The following SHISA9 variants were observed in gnomAD, a reference collection of about 807,000 sequenced individuals.
SHISA9 encodes the protein shisa family member 9, also known as protein shisa-9.
Under a neutral mutation model 38.0 loss-of-function variants are expected in SHISA9, and 13 were observed. The observed-to-expected ratio is 0.34, with a 90% CI of 0.22 to 0.54. The LOEUF (loss-of-function observed/expected upper bound fraction) is 0.54. Ranked by LOEUF, SHISA9 falls within the 20% of genes least tolerant of loss-of-function variation. SHISA9 has a pLI of 0.91. For missense variants in SHISA9, 538 were observed against 575.8 expected, an observed-to-expected ratio of 0.93 and a Z score of 0.67; for synonymous variants, 275 against 242.0, an observed-to-expected ratio of 1.14 and a Z score of -1.27.
chr16:13,338,902 C>A, the SHISA9 span, among the ~76,000 whole-genome samples: 19 of 152,136 alleles, frequency 1.2e-4, no homozygotes, highest in Non-Finnish European at 2.4e-4. Context: ...GGGAACCTGG[C>A]AATTTAATAG....
At chr16:13,494,953 C>A in the SHISA9 span, among the ~76,000 whole-genome samples, 1 of 152,086 alleles carries the variant, frequency 6.6e-6, no homozygotes, top group Non-Finnish European at 1.5e-5. Context: ...GGACGTTGCG[C>A]CTTGCAAAAT....
Position 13,235,453 on chromosome 16 carries a change from A to G in SHISA9, c.*44A>G. The G allele has an allele frequency of 6.7e-7, 1 of 1,492,972 alleles. No homozygotes were observed. Among genetic ancestry groups the G allele is most frequent in the Non-Finnish European group, 8.9e-7 (1 of 1,124,570 alleles). 92.5% of individuals were successfully genotyped at this position (1,492,972 alleles called of 1,614,324 possible). A position where few individuals can be genotyped will look rare whatever the true frequency, so the allele number is the denominator to read the frequency against. ...ACCCTGGAGACCACACTCAACTGAG[A>G]GAGGCAAAAAACAACCCCGCCCACA... On this transcript the variant is annotated 3_prime_UTR_variant, in exon 5 of 5. Coordinates refer to ENST00000558583, the MANE Select transcript of SHISA9 (RefSeq NM_001145204.3).
chr16:13,318,767 C>A, the SHISA9 span, among the ~76,000 whole-genome samples: 1 of 152,242 alleles, frequency 6.6e-6, no homozygotes, highest in Non-Finnish European at 1.5e-5. Flanking sequence ...GTACCTGACA[C>A]ATAGAAGGTG....
chr16:13,015,894 CTTTCTTTCTTTCT>C (rs2072745072), intron 2 of SHISA9, among the ~76,000 whole-genome samples: 1 of 126,224 alleles, frequency 7.9e-6, no homozygotes, highest in African/African-American at 3.3e-5. Flanking sequence ...TTCTTTCTTT[CTTTCTTTCTTTCT>C]TTTCTTTCTT....
At chr16:13,068,853 T>G (rs1445263211) in intron 2 of SHISA9, among the ~76,000 whole-genome samples, 3 of 149,522 alleles carry the variant, frequency 2.0e-5, no homozygotes, top group African/African-American at 7.7e-5. Flanking sequence ...TGTATATATA[T>G]GCATACATGC....
At chr16:13,539,882 A>T in the SHISA9 span, among the ~76,000 whole-genome samples, 5 of 152,196 alleles carry the variant, frequency 3.3e-5, no homozygotes, top group Non-Finnish European at 5.9e-5. Context: ...TTTGCTCAAG[A>T]TAATGGCCAC....
intron 2 of SHISA9, among the ~76,000 whole-genome samples, chr16:13,001,207 C>T (rs1471378698): frequency 5.3e-5 from 8 of 152,196 alleles, no homozygotes; most frequent in East Asian, 1.9e-4. Context: ...GGATTACAGG[C>T]GTGAGCCACC....
the SHISA9 span, among the ~76,000 whole-genome samples, chr16:13,304,891 G>A: frequency 6.6e-6 from 1 of 152,196 alleles, no homozygotes; most frequent in Non-Finnish European, 1.5e-5. Context: ...ATAGCACAAA[G>A]AACTGAAGGT....
the SHISA9 span, among the ~76,000 whole-genome samples, chr16:13,255,282 AG>A: frequency 6.6e-6 from 1 of 150,998 alleles, no homozygotes; most frequent in Admixed American, 6.6e-5. Context: ...CTTTCTGTCT[AG>A]GCATCTTTCT....
chr16:13,496,702 A>G, the SHISA9 span, among the ~76,000 whole-genome samples: 2 of 152,190 alleles, frequency 1.3e-5, no homozygotes, highest in Non-Finnish European at 2.9e-5. Flanking sequence ...CAGTATGTCT[A>G]CATTTTTCCT....
the SHISA9 span, among the ~76,000 whole-genome samples, chr16:13,309,962 A>C: frequency 6.6e-6 from 1 of 152,108 alleles, no homozygotes; most frequent in African/African-American, 2.4e-5. Flanking sequence ...ATCTCGGCTC[A>C]CTGCAACCTC....
the SHISA9 span, among the ~76,000 whole-genome samples, chr16:13,256,017 C>T: frequency 6.6e-6 from 1 of 152,168 alleles, no homozygotes; most frequent in Middle Eastern, 3.2e-3. Context: ...TCACCAGACT[C>T]ATATTTTACT....
At chr16:12,906,188 G>C (rs1357126196) in intron 1 of SHISA9, among the ~76,000 whole-genome samples, 1 of 152,244 alleles carries the variant, frequency 6.6e-6, no homozygotes, top group African/African-American at 2.4e-5. Context: ...TAACCTGCCA[G>C]TCACAGCCTC....
intron 2 of SHISA9, among the ~76,000 whole-genome samples, chr16:13,128,824 G>A (rs1176504225): frequency 6.6e-6 from 1 of 152,198 alleles, no homozygotes; most frequent in African/African-American, 2.4e-5. Flanking sequence ...ATTCATTTAT[G>A]CTGTGTCTGT....
chr16:13,443,310 G>C, the SHISA9 span, among the ~76,000 whole-genome samples: 7 of 152,192 alleles, frequency 4.6e-5, no homozygotes, highest in Non-Finnish European at 8.8e-5. Flanking sequence ...GAGGAGGTTT[G>C]GGAGAGGATG....
chr16:13,145,116 A>G (rs1203290938), intron 2 of SHISA9, among the ~76,000 whole-genome samples: 2 of 152,174 alleles, frequency 1.3e-5, no homozygotes, highest in Non-Finnish European at 2.9e-5. Context: ...ACCCTATCGC[A>G]GGGATGAGAG....
the SHISA9 span, among the ~76,000 whole-genome samples, chr16:13,271,487 A>C: frequency 6.6e-6 from 1 of 152,168 alleles, no homozygotes; most frequent in African/African-American, 2.4e-5. Flanking sequence ...TGTGTAAGTC[A>C]GCGTGTACGG....
At chr16:13,153,006 C>T (rs1265597428) in intron 2 of SHISA9, among the ~76,000 whole-genome samples, 6 of 152,126 alleles carry the variant, frequency 3.9e-5, no homozygotes, top group Non-Finnish European at 8.8e-5. Flanking sequence ...TAATTAGCCA[C>T]AGCTGAATAT....
the SHISA9 span, among the ~76,000 whole-genome samples, chr16:13,355,928 A>G: frequency 1.3e-5 from 2 of 152,218 alleles, no homozygotes; most frequent in Non-Finnish European, 2.9e-5. Context: ...TGAGTTGAAC[A>G]GTCCGATTTT....
Sources: allele counts gnomAD v4.1 joint callset (sites outside exome capture counted in the v4.1 genomes callset), GRCh38; gene constraint gnomAD v4.1.1; transcripts MANE v1.5; gene names NCBI Gene and HGNC (gene_info 2026-07-23, HGNC 2026-07-21).